Variants in BTD observed in about 807,000 individuals in gnomAD.
BTD encodes the protein biotinidase, also known as biocytinase.
A neutral mutation model predicts 17.7 loss-of-function variants in BTD; 13 were observed. The observed-to-expected ratio is 0.74, with a 90% CI of 0.48 to 1.17. The LOEUF is 1.17. BTD is among the 50% of genes most tolerant of loss of function. BTD has a pLI of 0.00. For synonymous variants in BTD, 240 were observed against 245.2 expected, an observed-to-expected ratio of 0.98 and a Z score of 0.20; for missense variants, 674 against 650.4, an observed-to-expected ratio of 1.04 and a Z score of -0.39.
downstream of BTD, chr3:15,714,506 T>G: frequency 9.1e-7 from 1 of 1,093,312 alleles, no homozygotes; most frequent in Non-Finnish European, 1.3e-6. Context: ...TACCATTCAT[T>G]TGGTGGATGT....
intron 3 of BTD, among the ~76,000 whole-genome samples, chr3:15,665,674 G>T (rs933649609): frequency 2.6e-5 from 4 of 152,220 alleles, no homozygotes; most frequent in Non-Finnish European, 5.9e-5. Flanking sequence ...AAATGGCAGA[G>T]AATACTGCCC....
chr3:15,689,841 T>C, intron 3 of BTD: 1 of 602,082 alleles, frequency 1.7e-6, no homozygotes, highest in East Asian at 2.8e-5. Flanking sequence ...TGACGGAGGC[T>C]TTGTAAATTC....
intron 2 of BTD, among the ~76,000 whole-genome samples, chr3:15,638,967 C>T (rs1383059548): frequency 6.6e-6 from 1 of 152,218 alleles, no homozygotes; most frequent in Non-Finnish European, 1.5e-5. Context: ...ACCAAAATGT[C>T]ATCATGCAGT....
intron 3 of BTD, chr3:15,684,116 C>G (rs1363176604): frequency 6.6e-6 from 1 of 152,174 alleles, no homozygotes; most frequent in Non-Finnish European, 1.5e-5. Context: ...AAGCCTGAAG[C>G]TTGAACTTTG....
chr3:15,692,717 G>T (rs746807035), intron 3 of BTD, among the ~76,000 whole-genome samples: 1 of 152,180 alleles, frequency 6.6e-6, no homozygotes, highest in African/African-American at 2.4e-5. Context: ...CCTAGAGATA[G>T]ATATGAAATG....
At chr3:15,602,765 C>A (rs1442618109) in intron 1 of BTD, among the ~76,000 whole-genome samples, 2 of 152,066 alleles carry the variant, frequency 1.3e-5, no homozygotes, top group Non-Finnish European at 2.9e-5. Flanking sequence ...GTCTTCCCCT[C>A]TTTTTCTCAA....
intron 1 of BTD, chr3:15,632,573 A>G (rs1265738931): frequency 6.6e-6 from 1 of 151,872 alleles, no homozygotes; most frequent in Admixed American, 6.6e-5. Context: ...TCTAGTTACC[A>G]TTTTCTTTAT....
chr3:15,626,874 A>G (rs73817030), intron 1 of BTD, among the ~76,000 whole-genome samples: 6,469 of 152,072 alleles, frequency 0.043, 395 homozygotes, highest in African/African-American at 0.14. Flanking sequence ...AGATGGCACA[A>G]GGCAATGGCA....
chr3:15,712,152 G>A (rs1189778027), exon 4 of BTD: 3 of 1,577,160 alleles, frequency 1.9e-6, no homozygotes, highest in Non-Finnish European at 1.7e-6. Flanking sequence ...GAAGAAAGAA[G>A]TTTTCTGCAG....
intron 1 of BTD, among the ~76,000 whole-genome samples, chr3:15,619,692 TG>T (rs1472598549): frequency 6.6e-6 from 1 of 152,238 alleles, no homozygotes; most frequent in East Asian, 1.9e-4. Context: ...GCTCTGTAGT[TG>T]TATTAGTCTG....
chr3:15,659,985 C>A (rs561671213), intron 3 of BTD, among the ~76,000 whole-genome samples: 1 of 152,326 alleles, frequency 6.6e-6, no homozygotes, highest in African/African-American at 2.4e-5. Flanking sequence ...TTTATTATTT[C>A]ATTTAATTCT....
chr3:15,689,916 G>A, intron 3 of BTD: 1 of 1,095,056 alleles, frequency 9.1e-7, no homozygotes. Context: ...AAAAAAAAAG[G>A]TCAAAATTTT....
chr3:15,611,770 A>G (rs1364867910), intron 1 of BTD, among the ~76,000 whole-genome samples: 1 of 150,836 alleles, frequency 6.6e-6, no homozygotes, highest in Admixed American at 6.6e-5. Flanking sequence ...GGCGTGAGAC[A>G]GTCTCAAAAA....
intron 1 of BTD, among the ~76,000 whole-genome samples, chr3:15,609,689 C>T (rs375395437): frequency 2.0e-5 from 3 of 152,096 alleles, no homozygotes; most frequent in Admixed American, 6.5e-5. Context: ...ATTGGCCATG[C>T]GTGTTTCTTT....
chr3:15,719,998 T>G (rs1349744167), intron 4 of BTD, among the ~76,000 whole-genome samples: 1 of 152,060 alleles, frequency 6.6e-6, no homozygotes, highest in African/African-American at 2.4e-5. Context: ...ACCTCCCAAG[T>G]AGCTGGGACT....
At chr3:15,700,522 TC>T (rs1306200127) in intron 3 of BTD, among the ~76,000 whole-genome samples, 2 of 151,430 alleles carry the variant, frequency 1.3e-5, no homozygotes, top group Non-Finnish European at 2.9e-5. Flanking sequence ...ATGCCTGTAA[TC>T]CCAGCACTTT....
chr3:15,670,690 G>T, intron 3 of BTD: 1 of 918,124 alleles, frequency 1.1e-6, no homozygotes, highest in Non-Finnish European at 1.6e-6. Context: ...GCTGTAACCA[G>T]CATGATTCGC....
At chr3:15,642,946 T>G (rs1307758114) in intron 3 of BTD, among the ~76,000 whole-genome samples, 1 of 150,550 alleles carries the variant, frequency 6.6e-6, no homozygotes, top group African/African-American at 2.5e-5. Flanking sequence ...GAGAATCACT[T>G]GAACCTGGGA....
chr3:15,718,424 T>C (rs2124845017), intron 4 of BTD, among the ~76,000 whole-genome samples: 1 of 152,268 alleles, frequency 6.6e-6, no homozygotes, highest in South Asian at 2.1e-4. Context: ...TCTAAATTAT[T>C]AAGGAGGTAA....
Sources: allele counts gnomAD v4.1 joint callset (sites outside exome capture counted in the v4.1 genomes callset), GRCh38; gene constraint gnomAD v4.1.1; transcripts MANE v1.5; gene names NCBI Gene and HGNC (gene_info 2026-07-23, HGNC 2026-07-21).